CCDC148: variants seen among roughly 807,000 people sequenced by gnomAD.
The protein encoded by CCDC148 is coiled-coil domain-containing protein 148.
Under a neutral mutation model 85.7 loss-of-function variants are expected in CCDC148, and 89 were observed. The observed-to-expected ratio is 1.04, with a 90% CI of 0.87 to 1.24. The LOEUF (loss-of-function observed/expected upper bound fraction) is 1.24. Ranked by LOEUF, CCDC148 falls within the 50% of genes most tolerant of loss-of-function variation. The pLI is 0.00. For missense variants in CCDC148, 692 were observed against 671.7 expected, an observed-to-expected ratio of 1.03 and a Z score of -0.33; for synonymous variants, 230 against 213.9, an observed-to-expected ratio of 1.08 and a Z score of -0.66.
chr2:158,176,748 G>A lies in CCDC148; in HGVS notation c.1489-87C>T. 11 of 1,465,398 alleles carry A rather than the reference G, an allele frequency of 7.5e-6. No homozygotes were observed. The South Asian group carries it at 1.4e-4, about 18-fold the overall frequency. The allele number at this position is 1,465,398 out of a possible 1,614,324, so 90.8% of individuals were successfully genotyped here. ...TTATTGATGTCTAATGCCCATTAAA[G>A]TTAAGAAATTTTATTAAAGGTAAAG... On this transcript the variant is annotated intron_variant, in intron 12 of 13. Coordinates refer to ENST00000283233, the MANE Select transcript of CCDC148 (RefSeq NM_138803.4).
At chr2:158,185,275 G>A (rs1685101373) in intron 11 of CCDC148, among the ~76,000 whole-genome samples, 1 of 152,050 alleles carries the variant, frequency 6.6e-6, no homozygotes, top group African/African-American at 2.4e-5. Context: ...GGCTATTACT[G>A]AACCTCTTTC....
chr2:158,449,627 T>C lies in CCDC148; in HGVS notation c.25+6788A>G, dbSNP rs528878393. Among the ~76,000 whole-genome samples the C allele has an allele frequency of 2.6e-5, 4 of 152,252 alleles. No homozygotes were observed. In the East Asian group the frequency reaches 7.7e-4, roughly 29 times the overall value. On this transcript the variant is annotated intron_variant, in intron 1 of 13. Coordinates refer to ENST00000283233, the MANE Select transcript of CCDC148 (RefSeq NM_138803.4). ...CCATGCCAAGCTAATTTTTGTATTT[T>C]TAGTAGAGATGCCATTTTGCCATGT...
chr2:158,250,560 T>G (rs1209163681), intron 10 of CCDC148, among the ~76,000 whole-genome samples: 1 of 151,374 alleles, frequency 6.6e-6, no homozygotes, highest in South Asian at 2.1e-4. Context: ...CAGGTACCTG[T>G]GCTCACACAA....
intron 11 of CCDC148, among the ~76,000 whole-genome samples, chr2:158,217,393 T>TATATATATATATATATATATAC (rs1459713401): frequency 7.4e-6 from 1 of 135,326 alleles, no homozygotes; most frequent in African/African-American, 2.8e-5. Context: ...TATATATATA[T>TATATATATATATATATATATAC]ACACACACAC....
At chr2:158,383,296 G>A (rs2105290256) in intron 1 of CCDC148, among the ~76,000 whole-genome samples, 1 of 151,646 alleles carries the variant, frequency 6.6e-6, no homozygotes, top group East Asian at 1.9e-4. Flanking sequence ...AAGCCTGCGT[G>A]ACAGAGAAAG....
intron 1 of CCDC148, 133 bp downstream of exon 1, chr2:158,456,282 G>T: frequency 1.1e-6 from 1 of 872,318 alleles, no homozygotes; most frequent in Non-Finnish European, 1.9e-6. Context: ...ATGAGTTTGA[G>T]GACCCAAAAC....
chr2:158,192,348 C>T (rs1354442146), intron 11 of CCDC148, among the ~76,000 whole-genome samples: 1 of 151,918 alleles, frequency 6.6e-6, no homozygotes, highest in Non-Finnish European at 1.5e-5. Flanking sequence ...CTTCCAACAA[C>T]TCACGATTTG....
chr2:158,387,419 G>T (rs1253435695), intron 1 of CCDC148, among the ~76,000 whole-genome samples: 2 of 152,046 alleles, frequency 1.3e-5, no homozygotes, highest in Non-Finnish European at 1.5e-5. Context: ...ACAGTGAGAA[G>T]TCCAGCTGCC....
In CCDC148 at chr2:158,448,304, C is replaced by CT. The variant is rs369550965; in HGVS notation, c.25+8110dup. ...AAATTAGTATTGTAATAACTCTTACCTTTTTTTTACAAGATTGTTTTTGAT... is the reference window on the plus strand; with the variant it reads ...AAATTAGTATTGTAATAACTCTTACCTTTTTTTTTACAAGATTGTTTTTGAT... On this transcript the variant is annotated intron_variant, in intron 1 of 13. Transcript: ENST00000283233. Among the ~76,000 whole-genome samples the CT allele has an allele frequency of 3.9e-3, 593 of 151,542 alleles. 2 individuals carry two copies. The highest frequency in any genetic ancestry group is 6.9e-3 in the Middle Eastern group (2 of 290).
rs560140155 is a variant in CCDC148, at chr2:158,192,536, C to T, written c.1371-13540G>A. Among the ~76,000 whole-genome samples the T allele has an allele frequency of 1.2e-4, 18 of 152,140 alleles. No individual in the cohort carries two copies. The South Asian group carries it at 3.1e-3, about 26-fold the overall frequency. On this transcript the variant is annotated intron_variant, in intron 11 of 13. Transcript: ENST00000283233. ...TTTAATAAAGTTTACAATGGCCAAG[C>T]GTTGGCCATCTAGACACAGCTAACA...
intron 11 of CCDC148, among the ~76,000 whole-genome samples, chr2:158,203,192 T>G (rs1315781091): frequency 1.3e-5 from 2 of 152,196 alleles, no homozygotes; most frequent in Admixed American, 1.3e-4. Context: ...TGAAGCCACC[T>G]TACCCACTGT....
At chr2:158,279,240 T>A (rs1574531681) in intron 9 of CCDC148, among the ~76,000 whole-genome samples, 3 of 152,270 alleles carry the variant, frequency 2.0e-5, no homozygotes, top group East Asian at 1.9e-4. Flanking sequence ...CTCCAAAGGA[T>A]CGCAGTTCCT....
At chr2:158,426,933 G>C (rs1165080545) in intron 1 of CCDC148, among the ~76,000 whole-genome samples, 1 of 152,146 alleles carries the variant, frequency 6.6e-6, no homozygotes, top group African/African-American at 2.4e-5. Context: ...CTAGAAGGCA[G>C]TTCATTTTGT....
rs1190840334 is a variant in CCDC148, at chr2:158,303,272, G to C, written c.1110+6161C>G. ...GAAGTAATATTTTTCACACTCTGTG[G>C]GCCTACTTTATAGCACACTGGAGCC... On this transcript the variant is annotated intron_variant, in intron 9 of 13. Transcript: ENST00000283233. 2.0e-5 allele frequency among the ~76,000 whole-genome samples: 3 copies of C among 152,048 alleles called. No homozygotes were observed. The South Asian group carries it at 6.2e-4, about 32-fold the overall frequency.
At chr2:158,179,701 A>G (rs1254017270) in intron 11 of CCDC148, among the ~76,000 whole-genome samples, 1 of 152,200 alleles carries the variant, frequency 6.6e-6, no homozygotes, top group Non-Finnish European at 1.5e-5. Flanking sequence ...TAGAAGGAAA[A>G]GTAAAATAAG....
At chr2:158,197,360 A>G (rs558294736) in intron 11 of CCDC148, among the ~76,000 whole-genome samples, 9 of 152,234 alleles carry the variant, frequency 5.9e-5, no homozygotes, top group African/African-American at 1.9e-4. Flanking sequence ...AATATAGTCA[A>G]TGGAAGATGG....
chr2:158,377,027 G>T (rs1684679444), intron 1 of CCDC148, among the ~76,000 whole-genome samples: 1 of 151,952 alleles, frequency 6.6e-6, no homozygotes, highest in African/African-American at 2.4e-5. Context: ...GTCTTCTCTT[G>T]TTTCAATTTT....
intron 1 of CCDC148, among the ~76,000 whole-genome samples, chr2:158,407,152 C>T (rs1030947039): frequency 1.1e-4 from 16 of 152,046 alleles, no homozygotes; most frequent in Admixed American, 9.8e-4. Context: ...TCCTCAAATT[C>T]GGGTTGAAAC....
At chr2:158,173,759 A>G (rs763632390) in intron 13 of CCDC148, among the ~76,000 whole-genome samples, 2 of 152,012 alleles carry the variant, frequency 1.3e-5, no homozygotes, top group Non-Finnish European at 2.9e-5. Context: ...TTCTGTCTCA[A>G]TGTCTTCTCC....
Sources: allele counts gnomAD v4.1 joint callset (sites outside exome capture counted in the v4.1 genomes callset), GRCh38; gene constraint gnomAD v4.1.1; transcripts MANE v1.5; gene names NCBI Gene and HGNC (gene_info 2026-07-23, HGNC 2026-07-21).